GBE1: variants seen among roughly 807,000 people sequenced by gnomAD.
The protein encoded by GBE1 is 1,4-alpha-glucan-branching enzyme.
Under a neutral mutation model 88.8 loss-of-function variants are expected in GBE1, and 70 were observed. The ratio of observed to expected loss-of-function variants is 0.79; its 90% CI spans 0.65 to 0.96. The LOEUF is 0.96. GBE1 is among the 40% of genes least tolerant of loss of function. GBE1 has a pLI of 0.00. For synonymous variants in GBE1, 284 were observed against 300.1 expected, an observed-to-expected ratio of 0.95 and a Z score of 0.56; for missense variants, 872 against 871.0, an observed-to-expected ratio of 1.00 and a Z score of -0.01.
chr3:81,546,449 C>G (rs941538315), intron 12 of GBE1, among the ~76,000 whole-genome samples: 1 of 152,132 alleles, frequency 6.6e-6, no homozygotes, highest in Non-Finnish European at 1.5e-5. Flanking sequence ...ATGAGACCTA[C>G]TGGGCTGCAT....
intron 3 of GBE1, among the ~76,000 whole-genome samples, chr3:81,655,811 C>T (rs757971754): frequency 7.9e-5 from 12 of 152,146 alleles, no homozygotes; most frequent in Non-Finnish European, 1.5e-4. Context: ...TGAGCCACCA[C>T]GCCCAGCCAA....
chr3:81,567,380 A>G (rs1381188170), intron 12 of GBE1, among the ~76,000 whole-genome samples: 1 of 152,108 alleles, frequency 6.6e-6, no homozygotes, highest in East Asian at 1.9e-4. Flanking sequence ...ATGGTTCTCA[A>G]TTGCAGGAGC....
chr3:81,570,165 CG>C (rs1452398683), intron 12 of GBE1, among the ~76,000 whole-genome samples: 1 of 152,060 alleles, frequency 6.6e-6, no homozygotes, highest in African/African-American at 2.4e-5. Flanking sequence ...CTAAAATATA[CG>C]GTCACTAGGT....
chr3:81,492,292 T>C (rs1285661773), intron 15 of GBE1, among the ~76,000 whole-genome samples: 1 of 152,198 alleles, frequency 6.6e-6, no homozygotes, highest in African/African-American at 2.4e-5. Context: ...TGCAATCCTT[T>C]CCATGCAATG....
At chr3:81,616,419 G>T (rs1704249259) in intron 7 of GBE1, among the ~76,000 whole-genome samples, 1 of 152,006 alleles carries the variant, frequency 6.6e-6, no homozygotes, top group African/African-American at 2.4e-5. Flanking sequence ...TATTTCTATG[G>T]ATGTCCAACA....
At position 81,547,329 on chromosome 3, in the gene GBE1, G is replaced by A. The variant is rs139675219; in HGVS notation, c.1619-10234C>T. 3.2e-4 allele frequency among the ~76,000 whole-genome samples: 49 copies of A among 151,582 alleles called. No individual in the cohort carries two copies. The East Asian group carries it at 7.7e-3, about 24-fold the overall frequency. On this transcript the variant is annotated intron_variant, in intron 12 of 15. Coordinates refer to ENST00000429644, the MANE Select transcript of GBE1 (RefSeq NM_000158.4). ...CTTAGTAAAGTCCTCGGATAAGAACGGGTTCAGCACTATGGGATGTTAACT... is the reference window on the plus strand; with the variant it reads ...CTTAGTAAAGTCCTCGGATAAGAACAGGTTCAGCACTATGGGATGTTAACT...
At chr3:81,634,141 C>A (rs1247496363) in intron 7 of GBE1, among the ~76,000 whole-genome samples, 1 of 152,224 alleles carries the variant, frequency 6.6e-6, no homozygotes, top group African/African-American at 2.4e-5. Context: ...CTCTCAGTTA[C>A]CTGCCTCGTT....
intron 15 of GBE1, among the ~76,000 whole-genome samples, chr3:81,493,682 G>A (rs955470915): frequency 2.6e-5 from 4 of 151,860 alleles, no homozygotes; most frequent in South Asian, 2.1e-4. Context: ...ACAGGGATGC[G>A]CCACCACACC....
intron 3 of GBE1, among the ~76,000 whole-genome samples, chr3:81,663,880 C>A (rs1171426605): frequency 1.3e-5 from 2 of 152,236 alleles, no homozygotes; most frequent in East Asian, 1.9e-4. Context: ...GACAAGGGAA[C>A]CTTTCCCATT....
At chr3:81,642,564 C>A in intron 7 of GBE1, 1 of 421,328 alleles carries the variant, frequency 2.4e-6, no homozygotes, top group Non-Finnish European at 4.2e-6. Context: ...ATATATTTTA[C>A]ATGGCGTAAG....
intron 7 of GBE1, among the ~76,000 whole-genome samples, chr3:81,597,462 AAT>A (rs1288729376): frequency 7.9e-5 from 11 of 139,190 alleles, no homozygotes; most frequent in South Asian, 4.4e-4. Flanking sequence ...ATATATCTCA[AAT>A]ATATATATAT....
intron 7 of GBE1, among the ~76,000 whole-genome samples, chr3:81,632,836 A>C (rs1704534989): frequency 2.6e-5 from 4 of 152,172 alleles, no homozygotes; most frequent in Admixed American, 2.6e-4. Context: ...GCAGTCTAAC[A>C]ATGCCCAGAG....
intron 12 of GBE1, among the ~76,000 whole-genome samples, chr3:81,542,841 T>C (rs1336642370): frequency 6.6e-6 from 1 of 152,054 alleles, no homozygotes; most frequent in Non-Finnish European, 1.5e-5. Context: ...ACCCCATGCA[T>C]CTAAAATAAA....
At chr3:81,698,727 G>A (rs1705641105) in intron 2 of GBE1, among the ~76,000 whole-genome samples, 1 of 152,138 alleles carries the variant, frequency 6.6e-6, no homozygotes, top group Non-Finnish European at 1.5e-5. Context: ...CTGTATACCT[G>A]TAGTAGACTA....
At chr3:81,746,440 T>G (rs1182228773) in intron 1 of GBE1, among the ~76,000 whole-genome samples, 1 of 152,094 alleles carries the variant, frequency 6.6e-6, no homozygotes, top group Admixed American at 6.6e-5. Flanking sequence ...TTTTTATTTT[T>G]GGACAGATGG....
At chr3:81,490,650 T>C (rs1702424302) in intron 15 of GBE1, among the ~76,000 whole-genome samples, 187 bp from the exon 16 acceptor site, 2 of 151,924 alleles carry the variant, frequency 1.3e-5, no homozygotes, top group East Asian at 1.9e-4. Context: ...ATGACTACCA[T>C]AAAGCAACCA....
intron 12 of GBE1, among the ~76,000 whole-genome samples, chr3:81,567,425 A>T (rs186865183): frequency 1.0e-3 from 153 of 152,320 alleles, no homozygotes; most frequent in Middle Eastern, 3.4e-3. Context: ...AGCAAAATTC[A>T]TATGTTGAGA....
chr3:81,519,525 A>G (rs1476754165), intron 14 of GBE1, among the ~76,000 whole-genome samples: 1 of 151,358 alleles, frequency 6.6e-6, no homozygotes, highest in African/African-American at 2.4e-5. Context: ...TGTGTTGTTT[A>G]TGGTCTCAGA....
intron 14 of GBE1, among the ~76,000 whole-genome samples, chr3:81,507,336 G>C (rs1051333349): frequency 1.3e-5 from 2 of 152,024 alleles, no homozygotes; most frequent in Non-Finnish European, 2.9e-5. Flanking sequence ...AGGCCGAGGC[G>C]GGCAGATCAC....
Sources: allele counts gnomAD v4.1 joint callset (sites outside exome capture counted in the v4.1 genomes callset), GRCh38; gene constraint gnomAD v4.1.1; transcripts MANE v1.5; gene names NCBI Gene and HGNC (gene_info 2026-07-23, HGNC 2026-07-21).